TTC28: variants seen among roughly 807,000 people sequenced by gnomAD.
The protein encoded by TTC28 is tetratricopeptide repeat domain 28, also known as tetratricopeptide repeat protein 28.
Under a neutral mutation model 198.0 loss-of-function variants are expected in TTC28, and 61 were observed. That is an observed-to-expected ratio of 0.31 (90% CI 0.25 to 0.38). The LOEUF is 0.38. Ranked by LOEUF, TTC28 falls within the 10% of genes least tolerant of loss-of-function variation. TTC28 has a pLI of 1.00. For missense variants in TTC28, 2,678 were observed against 3,164.0 expected, an observed-to-expected ratio of 0.85 and a Z score of 3.69; for synonymous variants, 1,171 against 1,297.8, an observed-to-expected ratio of 0.90 and a Z score of 2.10.
intron 12 of TTC28, 91 bp downstream of exon 12, chr22:28,093,989 G>A (rs1211936740): frequency 2.2e-6 from 3 of 1,356,586 alleles, no homozygotes; most frequent in Non-Finnish European, 3.0e-6. Context: ...AATTCCAAAA[G>A]ATTTCTTCTG....
At chr22:28,028,137 C>T (rs964053984) in intron 13 of TTC28, among the ~76,000 whole-genome samples, 2 of 152,168 alleles carry the variant, frequency 1.3e-5, no homozygotes, top group South Asian at 2.1e-4. Flanking sequence ...TCCAAAGGGT[C>T]GGGGTTGGAA....
intron 2 of TTC28, among the ~76,000 whole-genome samples, chr22:28,496,799 C>T (rs1054620667): frequency 6.6e-6 from 1 of 152,078 alleles, no homozygotes; most frequent in Non-Finnish European, 1.5e-5. Context: ...TCTCATCTAG[C>T]TCCAAATGAA....
In TTC28 at chr22:28,114,486, C is replaced by T. The variant is rs568032372; in HGVS notation, c.1442-6083G>A. Among the ~76,000 whole-genome samples, 18 of 152,160 alleles carry T rather than the reference C, an allele frequency of 1.2e-4. 1 individual carries two copies. The South Asian group carries it at 3.3e-3, about 28-fold the overall frequency. Reference sequence around the variant, plus strand: ...GTTAGAAATGCAACCAATTGGATGTCTTATCTAACACACTTGCAGGTGACT... The same window carrying T: ...GTTAGAAATGCAACCAATTGGATGTTTTATCTAACACACTTGCAGGTGACT... On this transcript the variant is annotated intron_variant, in intron 6 of 22. Coordinates refer to ENST00000397906, the MANE Select transcript of TTC28 (RefSeq NM_001145418.2).
intron 2 of TTC28, among the ~76,000 whole-genome samples, chr22:28,335,439 C>T (rs1029426116): frequency 6.6e-6 from 1 of 152,116 alleles, no homozygotes; most frequent in African/African-American, 2.4e-5. Flanking sequence ...TATAAATTAC[C>T]TTGGGCTGTA....
intron 17 of TTC28, 74 bp from the exon 18 acceptor site, chr22:27,993,592 C>G: frequency 7.0e-7 from 1 of 1,425,522 alleles, no homozygotes; most frequent in Non-Finnish European, 9.4e-7. Flanking sequence ...TGAGGGTACA[C>G]AAAGCCCCAG....
chr22:28,493,047 TAA>T (rs750347534), intron 2 of TTC28, among the ~76,000 whole-genome samples: 52 of 66,362 alleles, frequency 7.8e-4, no homozygotes, highest in Admixed American at 1.9e-3. Context: ...TTCACGATAC[TAA>T]AAAAAAAAAA....
At chr22:28,294,540 A>C (rs2044852183) in intron 5 of TTC28, among the ~76,000 whole-genome samples, 1 of 151,970 alleles carries the variant, frequency 6.6e-6, no homozygotes, top group Admixed American at 6.6e-5. Context: ...GTTAGGAAAA[A>C]AGAGTATAAA....
chr22:27,982,119 G>C lies in TTC28; in HGVS notation c.*102C>G. 1 of 1,193,796 alleles carries C rather than the reference G, an allele frequency of 8.4e-7. No individual in the cohort carries two copies. The highest frequency in any genetic ancestry group is 1.7e-5 in the South Asian group (1 of 58,090). The allele number at this position is 1,193,796 out of a possible 1,614,324, so 74.0% of individuals were successfully genotyped here. On this transcript the variant is annotated 3_prime_UTR_variant, in exon 23 of 23. Transcript: ENST00000397906. This position sits in a 1 kb window ranked among gnomAD's most constrained non-coding sequence, Gnocchi z 5.2. ...TCGCCTGCAGAGCACAGCATCATGA[G>C]GGTGCTGGTGGCTGTGGGGGGACTG... is the stretch of plus-strand genomic sequence containing the variant.
chr22:28,095,982 C>G (rs545753253), intron 11 of TTC28, among the ~76,000 whole-genome samples: 2 of 152,278 alleles, frequency 1.3e-5, no homozygotes, highest in East Asian at 1.9e-4. Flanking sequence ...CAGTGAGGAG[C>G]AGCAATTTCT....
At chr22:28,041,231 A>G (rs1939626924) in intron 12 of TTC28, among the ~76,000 whole-genome samples, 2 of 152,218 alleles carry the variant, frequency 1.3e-5, no homozygotes, top group African/African-American at 4.8e-5. Context: ...GGAAAAAACT[A>G]CTTTAAAGTT....
chr22:28,629,912 C>A (rs2051145321), intron 1 of TTC28, 82 bp from the exon 2 acceptor site: 1 of 1,237,786 alleles, frequency 8.1e-7, no homozygotes, highest in African/African-American at 1.5e-5. Context: ...ATGTCTGTCC[C>A]CTCCAGTTGC....
chr22:28,134,042 T>C (rs1943131668), intron 6 of TTC28, among the ~76,000 whole-genome samples: 6 of 152,174 alleles, frequency 3.9e-5, no homozygotes. Context: ...CAGCAACATT[T>C]GCTGTTCAGC....
intron 2 of TTC28, among the ~76,000 whole-genome samples, chr22:28,438,716 C>G (rs2047563082): frequency 6.6e-6 from 1 of 152,110 alleles, no homozygotes; most frequent in East Asian, 1.9e-4. Flanking sequence ...AAACATGTTC[C>G]TATGAGATGA....
At position 27,996,169 on chromosome 22, in the gene TTC28, C is replaced by T. The variant is rs180717177; in HGVS notation, c.5210G>A (p.Arg1737His). 90 of 1,550,958 alleles carry T rather than the reference C, an allele frequency of 5.8e-5. 1 individual carries two copies. The East Asian group carries it at 9.8e-4, about 17-fold the overall frequency. ...ALTEILQHPE[R>H]ARDALRVLLH... is the part of the protein sequence containing the mutation. ...CAGCACTCGCAGGGCGTCCCGCGCA[C>T]GCTCCGGGTGCTGCAGGATCTCTGT... The change falls in exon 17 of 23, where the codon CGT (arginine) becomes CAT (histidine). Residue 1737 changes from arginine to histidine, a missense_variant. Transcript: ENST00000397906.
At chr22:28,215,469 C>T (rs1927314112) in intron 5 of TTC28, among the ~76,000 whole-genome samples, 1 of 151,998 alleles carries the variant, frequency 6.6e-6, no homozygotes, top group Non-Finnish European at 1.5e-5. Flanking sequence ...CCTGCTCTGC[C>T]CTCTCTGTTC....
intron 2 of TTC28, among the ~76,000 whole-genome samples, chr22:28,521,229 T>C (rs1394973639): frequency 6.7e-6 from 1 of 149,946 alleles, no homozygotes; most frequent in East Asian, 2.0e-4. Context: ...CAAGATCCTA[T>C]CTCTACCAAA....
At chr22:28,061,715 C>G (rs1940550682) in intron 12 of TTC28, among the ~76,000 whole-genome samples, 1 of 152,090 alleles carries the variant, frequency 6.6e-6, no homozygotes, top group Non-Finnish European at 1.5e-5. Context: ...TTCTTTGGTT[C>G]CATATGAACT....
chr22:28,604,203 G>A (rs1277422643), intron 2 of TTC28, among the ~76,000 whole-genome samples: 3 of 150,228 alleles, frequency 2.0e-5, no homozygotes, highest in East Asian at 2.0e-4. Context: ...TCTTGAACCC[G>A]AGAGGCAGAT....
In TTC28 at chr22:28,609,136, T is replaced by C. The variant is rs142777387; in HGVS notation, c.381+20416A>G. Among the ~76,000 whole-genome samples the C allele has an allele frequency of 2.8e-3, 428 of 152,260 alleles. 4 individuals are homozygous for C. The highest frequency in any genetic ancestry group is 5.0e-3 in the Non-Finnish European group (338 of 68,024). On this transcript the variant is annotated intron_variant, in intron 2 of 22. Coordinates refer to ENST00000397906, the MANE Select transcript of TTC28 (RefSeq NM_001145418.2). ...GATACTAAATTAGCCATTAAAAACA[T>C]TGTCAATGGAAACTATGTCTAAAGA...
Sources: gnomAD v4.1 joint callset for allele counts (sites outside exome capture counted in the v4.1 genomes callset) on GRCh38, gnomAD v4.1.1 for gene constraint, Gnocchi (gnomAD v3.1) non-coding constraint, MANE v1.5 for transcripts, NCBI Gene and HGNC (gene_info 2026-07-23, HGNC 2026-07-21) for gene names.